GPATCH8: variants seen among roughly 807,000 people sequenced by gnomAD.
The protein encoded by GPATCH8 is G patch domain-containing protein 8.
A neutral mutation model predicts 118.3 loss-of-function variants in GPATCH8; 18 were observed. The observed-to-expected ratio is 0.15, with a 90% CI of 0.11 to 0.23. The LOEUF (loss-of-function observed/expected upper bound fraction) is 0.23, where lower values mean the gene tolerates loss of function less well. Among genes scored for constraint, GPATCH8 ranks in the 10% least tolerant of loss-of-function variants. GPATCH8 has a pLI of 1.00. For missense variants in GPATCH8, 1,631 were observed against 1,873.8 expected, an observed-to-expected ratio of 0.87 and a Z score of 2.39; for synonymous variants, 659 against 684.7, an observed-to-expected ratio of 0.96 and a Z score of 0.59.
intron 2 of GPATCH8, among the ~76,000 whole-genome samples, chr17:44,469,789 T>C (rs1294812443): frequency 6.6e-6 from 1 of 152,176 alleles, no homozygotes; most frequent in Non-Finnish European, 1.5e-5. Context: ...AGAAAAGCCA[T>C]ATAGTAATGC....
At position 44,406,506 on chromosome 17, in the gene GPATCH8, G is replaced by GGCGGT. The variant is rs1555622834; in HGVS notation, c.493-456_493-455insACCGC. On this transcript the variant is annotated intron_variant, in intron 6 of 7. Coordinates refer to ENST00000591680, the MANE Select transcript of GPATCH8 (RefSeq NM_001002909.4). ...AATGTACAGCTTACATGGGGGGGGG[G>GGCGGT]GGTTATTTAAATTAGAACAAATAGA... Among the ~76,000 whole-genome samples the GGCGGT allele has an allele frequency of 4.3e-5, 3 of 69,312 alleles. 1 individual carries two copies. Among genetic ancestry groups the GGCGGT allele is most frequent in the Non-Finnish European group, 6.3e-5 (2 of 31,720 alleles). 45.5% of individuals were successfully genotyped at this position (69,312 alleles called of 152,430 possible).
chr17:44,470,123 TCCAACCACA>T (rs887289816), intron 2 of GPATCH8, among the ~76,000 whole-genome samples: 13 of 152,236 alleles, frequency 8.5e-5, no homozygotes, highest in African/African-American at 2.9e-4. Context: ...TAGTTGCACT[TCCAACCACA>T]ACAGTAACAA....
chr17:44,458,128 G>A (rs143745080), intron 3 of GPATCH8, among the ~76,000 whole-genome samples: 4,183 of 150,666 alleles, frequency 0.028, 96 homozygotes, highest in Middle Eastern at 0.12. Context: ...GCATGCGCCT[G>A]TAGTCCCCAC....
intron 5 of GPATCH8, among the ~76,000 whole-genome samples, chr17:44,434,846 T>C (rs2050442399): frequency 6.6e-6 from 1 of 152,254 alleles, no homozygotes; most frequent in African/African-American, 2.4e-5. Flanking sequence ...CTAATTCATG[T>C]AATCTTTCTA....
At chr17:44,481,566 G>C (rs1968242149) in intron 1 of GPATCH8, among the ~76,000 whole-genome samples, 1 of 152,084 alleles carries the variant, frequency 6.6e-6, no homozygotes, top group Non-Finnish European at 1.5e-5. Context: ...TGGTTGTTGT[G>C]GTGGCTGCAC....
At chr17:44,475,367 G>A (rs1471650386) in intron 1 of GPATCH8, among the ~76,000 whole-genome samples, 3 of 142,468 alleles carry the variant, frequency 2.1e-5, no homozygotes, top group South Asian at 2.2e-4. Flanking sequence ...GCAACAGAAC[G>A]AGACTCCATC....
Position 44,396,091 on chromosome 17 carries a change from C to T in GPATCH8, c.*1477G>A, listed in dbSNP as rs989076933. 1 of 454,310 alleles carries T rather than the reference C, an allele frequency of 2.2e-6. No individual in the cohort carries two copies. The highest frequency in any genetic ancestry group is 2.0e-5 in the African/African-American group (1 of 49,912). 28.1% of individuals were successfully genotyped at this position (454,310 alleles called of 1,614,324 possible). A position where few individuals can be genotyped will look rare whatever the true frequency, so the allele number is the denominator to read the frequency against. ...ACCTCCCAACAAAAGGAAGACTGTC[C>T]CAACTCATCCTCCAGCCTACTTCTA... On this transcript the variant is annotated 3_prime_UTR_variant, in exon 8 of 8. Coordinates refer to ENST00000591680, the MANE Select transcript of GPATCH8 (RefSeq NM_001002909.4).
intron 3 of GPATCH8, among the ~76,000 whole-genome samples, chr17:44,443,643 C>A (rs2050777170): frequency 6.6e-6 from 1 of 152,118 alleles, no homozygotes; most frequent in Admixed American, 6.6e-5. Context: ...GTGACCTATA[C>A]AACAACCAAA....
intron 1 of GPATCH8, among the ~76,000 whole-genome samples, chr17:44,500,772 T>C (rs1158281990): frequency 6.6e-6 from 1 of 152,246 alleles, no homozygotes; most frequent in African/African-American, 2.4e-5. Context: ...AAACCTACTA[T>C]GACTTGTTTT....
chr17:44,475,959 G>A (rs544585173), intron 1 of GPATCH8, among the ~76,000 whole-genome samples: 19 of 152,198 alleles, frequency 1.2e-4, no homozygotes, highest in African/African-American at 4.3e-4. Flanking sequence ...GGCCAAGGAG[G>A]TCGAAGCTGC....
rs1555646850 is a variant in GPATCH8, at chr17:44,483,206, T to TATACACAC, written c.46-8304_46-8303insGTGTGTAT. On this transcript the variant is annotated intron_variant, in intron 1 of 7. Transcript: ENST00000591680. ...ATATATATATATATATATATATATA[T>TATACACAC]ATATATATATACAGCCTACCTCTCA... Among the ~76,000 whole-genome samples the TATACACAC allele has an allele frequency of 6.5e-5, 5 of 77,486 alleles. 1 individual carries two copies. Among genetic ancestry groups the TATACACAC allele is most frequent in the African/African-American group, 2.5e-4 (5 of 19,980 alleles). The allele number at this position is 77,486 out of a possible 152,430, so 50.8% of individuals were successfully genotyped here.
chr17:44,484,564 G>A (rs1400829807), intron 1 of GPATCH8, among the ~76,000 whole-genome samples: 1 of 152,080 alleles, frequency 6.6e-6, no homozygotes, highest in Admixed American at 6.5e-5. Flanking sequence ...AATGCTTTGG[G>A]AGGCCAACTC....
intron 1 of GPATCH8, among the ~76,000 whole-genome samples, chr17:44,496,955 T>C (rs929158345): frequency 6.6e-6 from 1 of 152,246 alleles, no homozygotes; most frequent in Non-Finnish European, 1.5e-5. Context: ...TACAACATCT[T>C]CTGGTATTCA....
intron 6 of GPATCH8, among the ~76,000 whole-genome samples, chr17:44,419,630 C>T (rs148438340): frequency 1.3e-5 from 2 of 151,712 alleles, no homozygotes; most frequent in Non-Finnish European, 2.9e-5. Flanking sequence ...CGGACTTACA[C>T]TACATGTGCG....
At chr17:44,460,990 CA>C (rs1298554072) in intron 3 of GPATCH8, among the ~76,000 whole-genome samples, 2 of 152,144 alleles carry the variant, frequency 1.3e-5, no homozygotes, top group Non-Finnish European at 2.9e-5. Flanking sequence ...AGTTATGAAA[CA>C]AACTCAATTC....
At chr17:44,402,281 C>G (rs1451077115) in intron 7 of GPATCH8, among the ~76,000 whole-genome samples, 2 of 140,164 alleles carry the variant, frequency 1.4e-5, no homozygotes, top group African/African-American at 2.7e-5. Context: ...GAGATCGCAG[C>G]ACCACTGCAC....
At chr17:44,483,528 C>T (rs968245131) in intron 1 of GPATCH8, among the ~76,000 whole-genome samples, 21 of 151,500 alleles carry the variant, frequency 1.4e-4, no homozygotes, top group Admixed American at 4.6e-4. Flanking sequence ...GGATTACAGG[C>T]GTGAGCCACC....
In GPATCH8 at chr17:44,400,228, C is replaced by A. The variant is rs1377540939; in HGVS notation, c.1849G>T (p.Val617Leu). 3 of 1,614,180 alleles carry A rather than the reference C, an allele frequency of 1.9e-6. No individual in the cohort carries two copies. The highest frequency in any genetic ancestry group is 1.1e-5 in the South Asian group (1 of 91,076). The part of the protein sequence containing the change: ...DPGEPNKSKE[V>L]GGEKIVRSSG... ...GAACGTACTATTTTCTCTCCGCCCA[C>A]TTCCTTGCTTTTATTTGGCTCACCA... Residue 617 changes from valine to leucine, a missense_variant, in exon 8 of 8, where the codon GTG (valine) becomes TTG (leucine). Val to Leu is a conservative substitution (Grantham distance 32). This residue lies in a region of GPATCH8 where 6 missense variants were observed against 16.3 expected (regional missense o/e 0.37). Coordinates refer to ENST00000591680, the MANE Select transcript of GPATCH8 (RefSeq NM_001002909.4).
At chr17:44,470,494 CTTTTTTTTTTTT>C (rs35343849) in intron 2 of GPATCH8, among the ~76,000 whole-genome samples, 1,436 of 76,334 alleles carry the variant, frequency 0.019, 27 homozygotes, top group African/African-American at 0.068. Context: ...GCACCCAGCG[CTTTTTTTTTTTT>C]TTTTTTTTGA....
Sources: gnomAD v4.1 joint callset for allele counts (sites outside exome capture counted in the v4.1 genomes callset) on GRCh38, gnomAD v4.1.1 for gene constraint, gnomAD v4.1.1 regional missense constraint, MANE v1.5 for transcripts, NCBI Gene and HGNC (gene_info 2026-07-23, HGNC 2026-07-21) for gene names.